The following ST6GALNAC4 variants were observed in gnomAD, a reference collection of about 807,000 sequenced individuals.
The protein encoded by ST6GALNAC4 is ST6 N-acetylgalactosaminide alpha-2,6-sialyltransferase 4.
Under a neutral mutation model 30.4 loss-of-function variants are expected in ST6GALNAC4, and 24 were observed. That is an observed-to-expected ratio of 0.79 (90% CI 0.57 to 1.11). The LOEUF is 1.11. Ranked by LOEUF, ST6GALNAC4 falls within the 50% of genes most tolerant of loss-of-function variation. The pLI, the probability that ST6GALNAC4 is intolerant of heterozygous loss-of-function variation, is 0.00. For synonymous variants in ST6GALNAC4, 156 were observed against 179.7 expected, an observed-to-expected ratio of 0.87 and a Z score of 1.05; for missense variants, 365 against 430.1, an observed-to-expected ratio of 0.85 and a Z score of 1.34.
Position 127,908,526 on chromosome 9 carries a change from C to T in ST6GALNAC4, c.775G>A (p.Glu259Lys). ...YHYFEKGRLDECQMYLAHEQA... is the reference protein window; with the variant it reads ...YHYFEKGRLDKCQMYLAHEQA... ...TCGTGTGCCAGGTACATCTGACACT[C>T]ATCTAGCCGGCCCTTCTCAAAGTAG... Residue 259 changes from glutamate (E) to lysine (K), a missense_variant, in exon 6 of 6, where the codon GAG becomes AAG. Transcript: ENST00000335791. 6.2e-7 allele frequency: 1 copy of T among 1,605,678 alleles called. No individual in the cohort carries two copies. The highest frequency in any genetic ancestry group is 8.5e-7 in the Non-Finnish European group (1 of 1,173,678).
chr9:127,916,071 G>GCT (rs904455281), intron 2 of ST6GALNAC4: 3 of 444,834 alleles, frequency 6.7e-6, no homozygotes, highest in South Asian at 3.1e-5. Flanking sequence ...CCCACATCCA[G>GCT]CTCTCTCTCT....
At chr9:127,909,330 A>C (rs80142761) in intron 5 of ST6GALNAC4, among the ~76,000 whole-genome samples, 2 of 151,496 alleles carry the variant, frequency 1.3e-5, no homozygotes, top group Admixed American at 6.6e-5. Flanking sequence ...TGGAGGTTGC[A>C]GTGAGCCAAG....
chr9:127,914,919 C>T, intron 2 of ST6GALNAC4, 78 bp from the exon 3 acceptor site: 1 of 1,332,648 alleles, frequency 7.5e-7, no homozygotes, highest in African/African-American at 1.5e-5. Context: ...CACCTGGCCT[C>T]CTGGGTCTAG....
At position 127,912,366 on chromosome 9, in the gene ST6GALNAC4, C is replaced by CTGCAGCAGCGTGCGGTAGG; in HGVS notation, c.494_512dup (p.Gln171HisfsTer62). On this transcript the variant is annotated frameshift_variant, in exon 4 of 6. Coordinates refer to ENST00000335791, the MANE Select transcript of ST6GALNAC4 (RefSeq NM_175039.4). LOFTEE classifies it high-confidence loss of function. ...GCAGGCCGGGGTACATCCTGGTGAG[C>CTGCAGCAGCGTGCGGTAGG]TGCAGCAGCGTGCGGTAGGTGCGGC... is the stretch of plus-strand genomic sequence containing the variant. The CTGCAGCAGCGTGCGGTAGG allele has an allele frequency of 1.9e-6, 3 of 1,614,136 alleles. No individual in the cohort carries two copies. Among genetic ancestry groups the CTGCAGCAGCGTGCGGTAGG allele is most frequent in the Non-Finnish European group, 2.5e-6 (3 of 1,180,028 alleles).
Position 127,916,832 on chromosome 9 carries a change from A to C in ST6GALNAC4, c.-82T>G, listed in dbSNP as rs1037487385. The C allele has an allele frequency of 4.2e-6, 1 of 236,242 alleles. No homozygotes were observed. Among genetic ancestry groups the C allele is most frequent in the Non-Finnish European group, 8.4e-6 (1 of 119,478 alleles). The allele number at this position is 236,242 out of a possible 1,614,324, so 14.6% of individuals were successfully genotyped here. On this transcript the variant is annotated 5_prime_UTR_variant, in exon 1 of 6. Transcript: ENST00000335791. The stretch of plus-strand genomic sequence containing the variant: ...TCCACCCCATCCATCCTACCTCTCT[A>C]CCCGGGGGACGAATGGAGAGGCCGG...
rs147120861 is a variant in ST6GALNAC4 at position 127,910,010 on chromosome 9, G to C, written c.660C>G (p.Leu220=). The C allele has an allele frequency of 3.0e-5, 48 of 1,613,356 alleles. No individual in the cohort carries two copies. The highest frequency in any genetic ancestry group is 4.0e-5 in the Non-Finnish European group (47 of 1,179,992). ...FLSTGWFTMI[L]ALELCEEIVV... ...CGATCTCCTCACACAGCTCCAGCGCGAGGATCATGGTGAACCAGCCGGTGC... is the reference window on the plus strand; with the variant it reads ...CGATCTCCTCACACAGCTCCAGCGCCAGGATCATGGTGAACCAGCCGGTGC... The change falls in exon 5 of 6, where the codon CTC becomes CTG. Residue 220 remains leucine (L), a synonymous_variant. Transcript: ENST00000335791.
intron 3 of ST6GALNAC4, among the ~76,000 whole-genome samples, chr9:127,913,108 C>T (rs1349789076): frequency 6.6e-6 from 1 of 152,262 alleles, no homozygotes; most frequent in Non-Finnish European, 1.5e-5. Context: ...CTCCCCTGCA[C>T]ATGCCTCACC....
chr9:127,912,532 C>G lies in ST6GALNAC4; in HGVS notation c.347G>C (p.Gly116Ala). The change falls in exon 4 of 6, where the codon GGC becomes GCC. Residue 116 changes from glycine to alanine, a missense_variant. Gly to Ala is a moderately conservative substitution (Grantham distance 60, BLOSUM62 0). Coordinates refer to ENST00000335791, the MANE Select transcript of ST6GALNAC4 (RefSeq NM_175039.4). Reference sequence around the variant, plus strand: ...GACGACACGCAGGGTGCTGCGCTGGCCCACATCCGCCTCAAAGCCCACGGT... The same window carrying G: ...GACGACACGCAGGGTGCTGCGCTGGGCCACATCCGCCTCAAAGCCCACGGT... Reference protein sequence around the residue: ...APTVGFEADVGQRSTLRVVSH... With the variant: ...APTVGFEADVAQRSTLRVVSH... 6.2e-7 allele frequency: 1 copy of G among 1,613,678 alleles called. No homozygotes were observed. Among genetic ancestry groups the G allele is most frequent in the Non-Finnish European group, 8.5e-7 (1 of 1,179,938 alleles).
chr9:127,909,259 C>G (rs575219709), intron 5 of ST6GALNAC4, among the ~76,000 whole-genome samples: 74 of 151,914 alleles, frequency 4.9e-4, no homozygotes, highest in Admixed American at 1.4e-3. Context: ...CGTGGTGGCA[C>G]GTGCCTGTAA....
chr9:127,909,499 C>CA (rs1831024852), intron 5 of ST6GALNAC4, among the ~76,000 whole-genome samples: 1 of 149,014 alleles, frequency 6.7e-6, no homozygotes, highest in Non-Finnish European at 1.5e-5. Flanking sequence ...TATATAATAT[C>CA]AAAAATCACA....
At chr9:127,911,214 G>T (rs1246905074) in intron 4 of ST6GALNAC4, among the ~76,000 whole-genome samples, 10 of 152,180 alleles carry the variant, frequency 6.6e-5, no homozygotes, top group Admixed American at 5.9e-4. Flanking sequence ...AGTGGTGGGG[G>T]CGGGAAGCCT....
chr9:127,914,029 G>A (rs2131623861), intron 3 of ST6GALNAC4, among the ~76,000 whole-genome samples: 1 of 152,260 alleles, frequency 6.6e-6, no homozygotes. Context: ...GCAGTGAGCT[G>A]AGATCGCACT....
At chr9:127,909,337 C>A (rs75267954) in intron 5 of ST6GALNAC4, among the ~76,000 whole-genome samples, 2,468 of 149,238 alleles carry the variant, frequency 0.017, 34 homozygotes, top group Admixed American at 0.026. Flanking sequence ...TGCAGTGAGC[C>A]AAGATCGCGC....
intron 4 of ST6GALNAC4, among the ~76,000 whole-genome samples, chr9:127,911,524 C>T (rs1203730117): frequency 1.3e-5 from 2 of 152,200 alleles, no homozygotes; most frequent in African/African-American, 4.8e-5. Context: ...CGCTCTGTCA[C>T]CCAGGCTGGA....
chr9:127,913,190 T>C (rs1321042936), intron 3 of ST6GALNAC4, among the ~76,000 whole-genome samples: 1 of 152,272 alleles, frequency 6.6e-6, no homozygotes, highest in Admixed American at 6.5e-5. Flanking sequence ...TCCCTGGTCC[T>C]GAGCCTGAAT....
At position 127,914,808 on chromosome 9, in the gene ST6GALNAC4, C is replaced by T; in HGVS notation, c.46G>A (p.Val16Ile). Residue 16 changes from valine to isoleucine, a missense_variant, in exon 3 of 6, where the codon GTC (valine) becomes ATC (isoleucine). By Grantham distance (29) the Val-to-Ile change is conservative (BLOSUM62 3). Transcript: ENST00000335791. ...AGGAGGATGTAGACGGCAGAGAAGACCACGGAGCACAGGATGATGAGCACG... is the reference window on the plus strand; with the variant it reads ...AGGAGGATGTAGACGGCAGAGAAGATCACGGAGCACAGGATGATGAGCACG... ...RLVLIILCSVVFSAVYILLCC... is the reference protein window; with the variant it reads ...RLVLIILCSVIFSAVYILLCC... The T allele has an allele frequency of 1.3e-6, 2 of 1,573,070 alleles. No homozygotes were observed. The highest frequency in any genetic ancestry group is 1.7e-6 in the Non-Finnish European group (2 of 1,157,544).
At chr9:127,910,781 C>T (rs1831059007) in intron 4 of ST6GALNAC4, among the ~76,000 whole-genome samples, 1 of 152,206 alleles carries the variant, frequency 6.6e-6, no homozygotes, top group African/African-American at 2.4e-5. Flanking sequence ...CAGAACCTAC[C>T]TCATCTGGTG....
intron 2 of ST6GALNAC4, 54 bp from the exon 3 acceptor site, chr9:127,914,895 C>G: frequency 7.1e-7 from 1 of 1,412,692 alleles, no homozygotes; most frequent in Non-Finnish European, 9.3e-7. Context: ...CTCCCAGAAG[C>G]CCCTTCAGCG....
At chr9:127,908,628 T>G in intron 5 of ST6GALNAC4, 47 bp from the exon 6 acceptor site, 1 of 1,459,892 alleles carries the variant, frequency 6.8e-7, no homozygotes, top group East Asian at 2.5e-5. Context: ...CCCACTCGCC[T>G]CCGGCCACAC....
Sources: gnomAD v4.1 joint callset for allele counts (sites outside exome capture counted in the v4.1 genomes callset) on GRCh38, gnomAD v4.1.1 for gene constraint, MANE v1.5 for transcripts, NCBI Gene and HGNC (gene_info 2026-07-23, HGNC 2026-07-21) for gene names.